DNAH9: variants seen among roughly 807,000 people sequenced by gnomAD.
DNAH9 encodes dynein axonemal heavy chain 9.
A neutral mutation model predicts 471.6 loss-of-function variants in DNAH9; 345 were observed. The ratio of observed to expected loss-of-function variants is 0.73; its 90% CI spans 0.67 to 0.80. DNAH9 has a LOEUF of 0.80. Ranked by LOEUF, DNAH9 falls within the 30% of genes least tolerant of loss-of-function variation. The pLI is 0.00. For missense variants in DNAH9, 5,407 were observed against 5,609.2 expected (o/e 0.96, Z 1.15); for synonymous variants, 2,093 against 2,123.6 (o/e 0.99, Z 0.40).
rs3074845 is a variant in DNAH9, at chr17:11,960,435, TAAAAAAAA to T, written c.12844-1412_12844-1405del. ...TGGGTGACAGAGCAAGACTCTGTCT[TAAAAAAAA>T]AAAAAAAAAAAAAAAAAAATCCAAA... On this transcript the variant is annotated intron_variant, in intron 67 of 68. Transcript: ENST00000262442. Among the ~76,000 whole-genome samples, 33 of 54,058 alleles carry T rather than the reference TAAAAAAAA, an allele frequency of 6.1e-4. 1 individual carries two copies. Among genetic ancestry groups the T allele is most frequent in the South Asian group, 3.0e-3 (4 of 1,338 alleles). The allele number at this position is 54,058 out of a possible 152,430, so 35.5% of individuals were successfully genotyped here. A position where few individuals can be genotyped will look rare whatever the true frequency, so the allele number is the denominator to read the frequency against.
chr17:11,845,455 G>T (rs1000264207), intron 49 of DNAH9, among the ~76,000 whole-genome samples: 5 of 150,708 alleles, frequency 3.3e-5, no homozygotes, highest in Non-Finnish European at 5.9e-5. Flanking sequence ...GAATAATGCC[G>T]CAATAAACAT....
intron 19 of DNAH9, among the ~76,000 whole-genome samples, chr17:11,685,457 T>C (rs2074225419): frequency 6.6e-6 from 1 of 152,060 alleles, no homozygotes. Context: ...AAACATAATG[T>C]AAAGACCACC....
At chr17:11,909,839 C>T (rs1973734794) in intron 61 of DNAH9, among the ~76,000 whole-genome samples, 1 of 152,212 alleles carries the variant, frequency 6.6e-6, no homozygotes, top group Non-Finnish European at 1.5e-5. Context: ...ATGTGACCAT[C>T]ACCATATGCT....
At chr17:11,898,001 C>A (rs757766711) in intron 59 of DNAH9, among the ~76,000 whole-genome samples, 1 of 152,184 alleles carries the variant, frequency 6.6e-6, no homozygotes, top group East Asian at 1.9e-4. Context: ...TTTGATAGCC[C>A]CTGGTGTCTT....
rs1188942979 is a variant in DNAH9, at chr17:11,892,750, C to T, written c.11283+803C>T. On this transcript the variant is annotated intron_variant, in intron 58 of 68. Coordinates refer to ENST00000262442, the MANE Select transcript of DNAH9 (RefSeq NM_001372.4). The surrounding 1 kb of genome is among the most constrained non-coding windows in gnomAD (Gnocchi z 4.3). ...TGTATTTTAAGTAGAGATGGGGTTT[C>T]ACCATATTGGCCAGGCTCGTCTCAA... 6.6e-6 allele frequency among the ~76,000 whole-genome samples: 1 copy of T among 152,044 alleles called. No homozygotes were observed. The highest frequency in any genetic ancestry group is 2.4e-5 in the African/African-American group (1 of 41,380).
intron 49 of DNAH9, among the ~76,000 whole-genome samples, chr17:11,838,993 A>G (rs1015358239): frequency 6.6e-6 from 1 of 152,206 alleles, no homozygotes. Flanking sequence ...GTCTCTGCAC[A>G]CTTTAAGTCT....
At position 11,635,162 on chromosome 17, in the gene DNAH9, A is replaced by T. The variant is rs904823272; in HGVS notation, c.1636-1472A>T. On this transcript the variant is annotated intron_variant, in intron 8 of 68. Transcript: ENST00000262442. ...CACACTCTTTTTCATTTTATTATTT[A>T]TTATTTTTATTTATTTATTTTTGAG... Among the ~76,000 whole-genome samples, 13 of 151,514 alleles carry T rather than the reference A, an allele frequency of 8.6e-5. No individual in the cohort carries two copies. In the South Asian group the frequency reaches 2.5e-3, roughly 29 times the overall value.
At position 11,610,430 on chromosome 17, in the gene DNAH9, A is replaced by G. The variant is rs769591122; in HGVS notation, c.649A>G (p.Ile217Val). The change falls in exon 3 of 69, where the codon ATT (isoleucine) becomes GTT (valine). Residue 217 changes from isoleucine to valine, a missense_variant. By Grantham distance (29) the Ile-to-Val change is conservative. Transcript: ENST00000262442. Reference sequence around the variant, plus strand: ...TATAGATAAGTCAGTCATCTATGCCATTGAGTCTGCAGTGATCAAATGGAG... The same window carrying G: ...TATAGATAAGTCAGTCATCTATGCCGTTGAGTCTGCAGTGATCAAATGGAG... ...DSIDKSVIYA[I>V]ESAVIKWSYQ... The G allele has an allele frequency of 1.2e-6, 2 of 1,613,702 alleles. No individual in the cohort carries two copies. Among genetic ancestry groups the G allele is most frequent in the East Asian group, 4.5e-5 (2 of 44,880 alleles).
intron 43 of DNAH9, among the ~76,000 whole-genome samples, chr17:11,802,802 A>G (rs1969517297): frequency 6.6e-6 from 1 of 152,126 alleles, no homozygotes; most frequent in South Asian, 2.1e-4. Flanking sequence ...TCGAGCTCGC[A>G]TCATCTTTCT....
chr17:11,897,518 A>G (rs745408367), intron 59 of DNAH9, among the ~76,000 whole-genome samples: 7 of 152,240 alleles, frequency 4.6e-5, no homozygotes, highest in Non-Finnish European at 8.8e-5. Flanking sequence ...CCAGAGCTAG[A>G]CAATAATTTC....
chr17:11,700,614 T>C (rs2074574252), intron 23 of DNAH9, among the ~76,000 whole-genome samples: 1 of 152,202 alleles, frequency 6.6e-6, no homozygotes. Flanking sequence ...GTTCCACCCT[T>C]ATCACCTATA....
chr17:11,614,210 CT>C (rs35999149), intron 4 of DNAH9, among the ~76,000 whole-genome samples: 4 of 151,470 alleles, frequency 2.6e-5, no homozygotes, highest in African/African-American at 9.7e-5. Context: ...TTCAGAGCAT[CT>C]TTTTTTTTAT....
rs775063726 is a variant in DNAH9 at position 11,823,029 on chromosome 17, G to A, written c.9241G>A (p.Ala3081Thr). The A allele has an allele frequency of 1.2e-5, 20 of 1,611,468 alleles. No homozygotes were observed. The highest frequency in any genetic ancestry group is 5.5e-5 in the South Asian group (5 of 90,676). The change falls in exon 48 of 69, where the codon GCC becomes ACC. Residue 3081 changes from alanine (A) to threonine (T), a missense_variant. This residue lies in a region of DNAH9 where 4,636 missense variants were observed against 4,900.3 expected (regional missense o/e 0.95). Transcript: ENST00000262442. The stretch of plus-strand genomic sequence containing the variant: ...GCTGCTGAAGCTGCATAGCACCTCT[G>A]CCCAGGTGAGCAATGTCCCGCTCCT... ...NGLLKLHSTS[A>T]QVDDLKAKLA...
intron 61 of DNAH9, among the ~76,000 whole-genome samples, chr17:11,908,110 G>T (rs1973668261): frequency 6.6e-6 from 1 of 152,000 alleles, no homozygotes; most frequent in African/African-American, 2.4e-5. Context: ...GGAGGTATTG[G>T]TTCCAGTCCT....
At chr17:11,814,186 C>T (rs1036850970) in intron 45 of DNAH9, among the ~76,000 whole-genome samples, 1 of 152,136 alleles carries the variant, frequency 6.6e-6, no homozygotes, top group African/African-American at 2.4e-5. Flanking sequence ...TCTTTTTGAC[C>T]TTCACTTAAA....
rs35848318 is a variant in DNAH9, at chr17:11,827,687, CTTTT to C, written c.9246+4663_9246+4666del. ...AAAGTCCTTGGGATCATCCTTGGTTCTTTTTTTTTTTTTCTTGAGATGGAGCTTC... is the reference window on the plus strand; with the variant it reads ...AAAGTCCTTGGGATCATCCTTGGTTCTTTTTTTTTCTTGAGATGGAGCTTC... On this transcript the variant is annotated intron_variant, in intron 48 of 68. Transcript: ENST00000262442. Among the ~76,000 whole-genome samples, 835 of 147,040 alleles carry C rather than the reference CTTTT, an allele frequency of 5.7e-3. 11 individuals carry two copies. Among genetic ancestry groups the C allele is most frequent in the African/African-American group, 0.02 (807 of 40,130 alleles).
chr17:11,811,080 A>T (rs1034485005), intron 45 of DNAH9, among the ~76,000 whole-genome samples: 2 of 152,224 alleles, frequency 1.3e-5, no homozygotes, highest in Non-Finnish European at 2.9e-5. Flanking sequence ...TGGGAGGCCA[A>T]GGTGGGTGGC....
chr17:11,855,914 A>G (rs975277157), intron 50 of DNAH9, among the ~76,000 whole-genome samples: 4 of 152,194 alleles, frequency 2.6e-5, no homozygotes, highest in Admixed American at 6.5e-5. Flanking sequence ...CCTGAAGTAG[A>G]ATAGACACAG....
At chr17:11,711,338 A>G (rs1248067702) in intron 26 of DNAH9, among the ~76,000 whole-genome samples, 1 of 152,178 alleles carries the variant, frequency 6.6e-6, no homozygotes, top group Non-Finnish European at 1.5e-5. Flanking sequence ...CAGGAATGAC[A>G]GTGGGGAGTA....
Sources: gnomAD v4.1 joint callset for allele counts (sites outside exome capture counted in the v4.1 genomes callset) on GRCh38, gnomAD v4.1.1 for gene constraint, gnomAD v4.1.1 regional missense constraint, Gnocchi (gnomAD v3.1) non-coding constraint, MANE v1.5 for transcripts, NCBI Gene and HGNC (gene_info 2026-07-23, HGNC 2026-07-21) for gene names.